CCDC3: variants seen among roughly 807,000 people sequenced by gnomAD.
CCDC3 encodes the protein coiled-coil domain containing 3, also known as coiled-coil domain-containing protein 3.
CCDC3 carries 24 observed loss-of-function variants against 21.4 expected under a neutral mutation model. That is an observed-to-expected ratio of 1.12 (90% CI 0.81 to 1.58). The LOEUF (loss-of-function observed/expected upper bound fraction) is 1.58. Ranked by LOEUF, CCDC3 falls within the 40% of genes most tolerant of loss-of-function variation. The pLI is 0.00. For synonymous variants in CCDC3, 186 were observed against 166.0 expected (o/e 1.12, Z -0.93); for missense variants, 425 against 360.9 (o/e 1.18, Z -1.44).
intron 2 of CCDC3, among the ~76,000 whole-genome samples, chr10:12,937,657 T>A (rs1589013656): frequency 1.3e-5 from 2 of 152,174 alleles, no homozygotes; most frequent in African/African-American, 4.8e-5. Context: ...AAGAGCTCTA[T>A]GGCACAGAAA....
intron 5 of CCDC3, among the ~76,000 whole-genome samples, chr10:13,015,814 G>A (rs368227214): frequency 1.3e-5 from 2 of 151,964 alleles, no homozygotes; most frequent in South Asian, 2.1e-4. Context: ...GCCTAGGTTC[G>A]GTGAAAGAGG....
chr10:12,917,119 C>G (rs10906252), intron 2 of CCDC3, among the ~76,000 whole-genome samples: 69,489 of 150,302 alleles, frequency 0.46, 17,648 homozygotes, highest in East Asian at 0.71. Context: ...GAGGATCTCT[C>G]TCCATACTGT....
rs779719549 is a variant in CCDC3 at position 13,001,303 on chromosome 10, T to G, written c.268A>C (p.Met90Leu). 7.5e-6 allele frequency: 12 copies of G among 1,606,348 alleles called. No individual in the cohort carries two copies. The highest frequency in any genetic ancestry group is 1.6e-4 in the Middle Eastern group (1 of 6,070). Residue 90 changes from methionine (M) to leucine (L), a missense_variant, in exon 1 of 3, where the codon ATG (methionine) becomes CTG (leucine). Coordinates refer to ENST00000378825, the MANE Select transcript of CCDC3 (RefSeq NM_031455.4). The part of the protein sequence containing the change: ...EMLCDQAWGS[M>L]LEVPAGSRLN... The stretch of plus-strand genomic sequence containing the variant: ...CTGGAGCCGGCGGGCACCTCCAGCA[T>G]GCTGCCCCACGCCTGGTCGCACAGC...
intron 2 of CCDC3, among the ~76,000 whole-genome samples, chr10:12,986,478 A>C (rs541241057): frequency 8.5e-5 from 13 of 152,226 alleles, no homozygotes; most frequent in Non-Finnish European, 1.6e-4. Context: ...ATTTTTTAAA[A>C]AAGTAATCCC....
chr10:12,926,817 C>T (rs1156838305), intron 2 of CCDC3, among the ~76,000 whole-genome samples: 1 of 152,100 alleles, frequency 6.6e-6, no homozygotes, highest in Non-Finnish European at 1.5e-5. Flanking sequence ...TTCAGAACAA[C>T]ATTAAGTATT....
At chr10:13,044,323 T>C (rs1045236522) in intron 5 of CCDC3, among the ~76,000 whole-genome samples, 2 of 152,250 alleles carry the variant, frequency 1.3e-5, no homozygotes, top group Non-Finnish European at 2.9e-5. Context: ...ATTATGTTAA[T>C]AGTTTATTTG....
intron 2 of CCDC3, among the ~76,000 whole-genome samples, chr10:12,928,261 G>A (rs1032090594): frequency 6.6e-6 from 1 of 152,148 alleles, no homozygotes; most frequent in South Asian, 2.1e-4. Context: ...TTTATTTTCT[G>A]TTAAGCTTGG....
chr10:13,078,867 G>C (rs1007585329), intron 3 of CCDC3, among the ~76,000 whole-genome samples: 18 of 151,954 alleles, frequency 1.2e-4, no homozygotes, highest in African/African-American at 3.6e-4. Flanking sequence ...TCGTGGGGTG[G>C]GGGGAGGTGG....
chr10:12,995,783 G>T (rs1422081120), intron 2 of CCDC3, among the ~76,000 whole-genome samples: 1 of 152,104 alleles, frequency 6.6e-6, no homozygotes, highest in Admixed American at 6.5e-5. Context: ...CAAGGGAAAG[G>T]GAAAAGGAAT....
intron 2 of CCDC3, among the ~76,000 whole-genome samples, chr10:12,960,707 G>A (rs375531950): frequency 1.3e-5 from 2 of 152,248 alleles, no homozygotes; most frequent in African/African-American, 2.4e-5. Context: ...TCAAGGCTGC[G>A]GGACCCTCCC....
chr10:12,951,195 ACT>A (rs1410298442), intron 2 of CCDC3, among the ~76,000 whole-genome samples: 1 of 152,002 alleles, frequency 6.6e-6, no homozygotes, highest in Non-Finnish European at 1.5e-5. Context: ...ACATAGTGAG[ACT>A]CTCATCTCTA....
chr10:13,040,625 G>C (rs1238586399), intron 5 of CCDC3, among the ~76,000 whole-genome samples: 1 of 151,678 alleles, frequency 6.6e-6, no homozygotes, highest in Non-Finnish European at 1.5e-5. Flanking sequence ...GGGAGGCAGA[G>C]GTTACAGTGA....
chr10:13,054,094 G>A (rs920414957), intron 4 of CCDC3, among the ~76,000 whole-genome samples: 4 of 150,046 alleles, frequency 2.7e-5, no homozygotes, highest in South Asian at 2.1e-4. Flanking sequence ...GCAGTGAGCC[G>A]AGATAGGGCC....
chr10:13,035,978 T>C (rs1156534054), intron 5 of CCDC3, among the ~76,000 whole-genome samples: 1 of 152,082 alleles, frequency 6.6e-6, no homozygotes, highest in Admixed American at 6.6e-5. Context: ...ACCCCGTCTG[T>C]ACTAAAATAC....
In CCDC3 at chr10:12,968,351, T is replaced by C. The variant is rs376974483; in HGVS notation, c.549+29987A>G. 7.2e-4 allele frequency among the ~76,000 whole-genome samples: 110 copies of C among 152,234 alleles called. 1 individual carries two copies. The highest frequency in any genetic ancestry group is 2.6e-3 in the African/African-American group (107 of 41,536). ...AAGTGGGATGATATATTCAAAGTAT[T>C]GCAGGAAAAAACTTGTCAACCAAGA... is the stretch of plus-strand genomic sequence containing the variant. On this transcript the variant is annotated intron_variant, in intron 2 of 2. Coordinates refer to ENST00000378825, the MANE Select transcript of CCDC3 (RefSeq NM_031455.4).
intron 2 of CCDC3, among the ~76,000 whole-genome samples, chr10:12,972,890 G>A (rs1835363496): frequency 6.6e-6 from 1 of 152,202 alleles, no homozygotes; most frequent in African/African-American, 2.4e-5. Flanking sequence ...CAGGAGAACT[G>A]CAGTGATGTA....
At chr10:13,064,912 A>T (rs1389469366) in intron 4 of CCDC3, among the ~76,000 whole-genome samples, 2 of 152,092 alleles carry the variant, frequency 1.3e-5, no homozygotes, top group African/African-American at 2.4e-5. Context: ...TGAGTTTCTG[A>T]TCAGCTTTTC....
At chr10:13,020,904 T>C (rs945544005) in intron 5 of CCDC3, among the ~76,000 whole-genome samples, 8 of 152,130 alleles carry the variant, frequency 5.3e-5, no homozygotes, top group Admixed American at 6.5e-5. Flanking sequence ...AATGAATAAA[T>C]AAATATGAGC....
At chr10:13,010,722 G>A (rs932196793) in intron 5 of CCDC3, among the ~76,000 whole-genome samples, 3 of 152,098 alleles carry the variant, frequency 2.0e-5, no homozygotes, top group African/African-American at 4.8e-5. Context: ...TCCATCCACA[G>A]GTACATGAAA....
Sources: allele counts gnomAD v4.1 joint callset (sites outside exome capture counted in the v4.1 genomes callset), GRCh38; gene constraint gnomAD v4.1.1; transcripts MANE v1.5; gene names NCBI Gene and HGNC (gene_info 2026-07-23, HGNC 2026-07-21).